The following TM9SF4 variants were observed in gnomAD, a reference collection of about 807,000 sequenced individuals.
The protein encoded by TM9SF4 is transmembrane 9 superfamily member 4.
Under a neutral mutation model 90.4 loss-of-function variants are expected in TM9SF4, and 26 were observed. That is an observed-to-expected ratio of 0.29 (90% CI 0.21 to 0.40). The LOEUF is 0.40. Among genes scored for constraint, TM9SF4 ranks in the 10% least tolerant of loss-of-function variants. TM9SF4 has a pLI of 1.00. For missense variants in TM9SF4, 549 were observed against 834.8 expected (o/e 0.66, Z 4.22); for synonymous variants, 293 against 315.4 (o/e 0.93, Z 0.75).
rs867333906 is a variant in TM9SF4 at position 32,163,257 on chromosome 20, A to C, written c.1779+1892A>C. 4.8e-4 allele frequency among the ~76,000 whole-genome samples: 39 copies of C among 80,780 alleles called. 2 individuals are homozygous for C. The highest frequency in any genetic ancestry group is 2.1e-3 in the African/African-American group (36 of 16,968). 53.0% of individuals were successfully genotyped at this position (80,780 alleles called of 152,430 possible). A position where few individuals can be genotyped will look rare whatever the true frequency, so the allele number is the denominator to read the frequency against. On this transcript the variant is annotated intron_variant, in intron 17 of 17. Coordinates refer to ENST00000398022, the MANE Select transcript of TM9SF4 (RefSeq NM_014742.4). Reference sequence around the variant, plus strand: ...CAAGACTCCATCTCAAAAAAAAAAAAAAAAAAAAAAAATATATATATATAT... The same window carrying C: ...CAAGACTCCATCTCAAAAAAAAAAACAAAAAAAAAAAATATATATATATAT...
chr20:32,155,321 G>C (rs185402284), intron 13 of TM9SF4, 135 bp downstream of exon 13: 217 of 785,800 alleles, frequency 2.8e-4, no homozygotes, highest in Non-Finnish European at 1.8e-4. Context: ...CCAGCCATGA[G>C]GGCAGAGGGC....
At chr20:32,147,545 C>G (rs752474425) in intron 9 of TM9SF4, among the ~76,000 whole-genome samples, 3 of 152,126 alleles carry the variant, frequency 2.0e-5, no homozygotes, top group Non-Finnish European at 2.9e-5. Context: ...TGCAAAATCT[C>G]TTTGTTTTAA....
At chr20:32,131,730 C>T (rs2046517186) in intron 1 of TM9SF4, among the ~76,000 whole-genome samples, 1 of 152,120 alleles carries the variant, frequency 6.6e-6, no homozygotes. Flanking sequence ...GTTCAGACTG[C>T]GTAGAAAGAA....
At chr20:32,122,150 G>A (rs1238801334) in intron 1 of TM9SF4, among the ~76,000 whole-genome samples, 1 of 133,056 alleles carries the variant, frequency 7.5e-6, no homozygotes, top group South Asian at 2.4e-4. Flanking sequence ...CTGGCCGGGC[G>A]GGGGGGGTGA....
At chr20:32,161,742 A>G (rs2047022192) in intron 17 of TM9SF4, among the ~76,000 whole-genome samples, 1 of 152,254 alleles carries the variant, frequency 6.6e-6, no homozygotes, top group African/African-American at 2.4e-5. Context: ...ATGAAAGAAG[A>G]AAAGTAGAAA....
At chr20:32,122,567 G>T (rs1191969938) in intron 1 of TM9SF4, among the ~76,000 whole-genome samples, 1 of 148,808 alleles carries the variant, frequency 6.7e-6, no homozygotes, top group Non-Finnish European at 1.5e-5. Flanking sequence ...CATCCCAGAC[G>T]ATGGGCGGCT....
In TM9SF4 at chr20:32,145,361, G is replaced by A; in HGVS notation, c.821G>A (p.Ser274Asn). ...ASRWDTYLTM[S>N]DVQIHWFSII... ...CGCTGGGACACTTACCTGACCATGA[G>A]TGACGTCCAGATCCACTGGTTTTCT... is the stretch of plus-strand genomic sequence containing the variant. Residue 274 changes from serine (S) to asparagine (N), a missense_variant, in exon 8 of 18, where the codon AGT (serine) becomes AAT (asparagine). Physicochemically the swap from Ser to Asn is conservative, Grantham distance 46. Coordinates refer to ENST00000398022, the MANE Select transcript of TM9SF4 (RefSeq NM_014742.4). 1 of 1,614,186 alleles carries A rather than the reference G, an allele frequency of 6.2e-7. No homozygotes were observed. The highest frequency in any genetic ancestry group is 8.5e-7 in the Non-Finnish European group (1 of 1,180,036).
At chr20:32,145,444 G>A in intron 8 of TM9SF4, 21 bp downstream of exon 8, 1 of 1,606,916 alleles carries the variant, frequency 6.2e-7, no homozygotes, top group South Asian at 1.1e-5. Context: ...TGTGGGTTGA[G>A]GGAAAGGGGA....
chr20:32,145,570 G>A, intron 8 of TM9SF4, 147 bp downstream of exon 8: 5 of 673,644 alleles, frequency 7.4e-6, no homozygotes, highest in Non-Finnish European at 1.3e-5. Context: ...AGCATCAGGT[G>A]TACATAGGTA....
chr20:32,109,777 A>G (rs2046111924), intron 1 of TM9SF4, 22 bp downstream of exon 1: 1 of 1,551,378 alleles, frequency 6.4e-7, no homozygotes. Context: ...AGACTCCGGG[A>G]GCGGGAGCTG....
chr20:32,158,351 C>T lies in TM9SF4; in HGVS notation c.1506-100C>T, dbSNP rs1420730750. 10 of 1,137,754 alleles carry T rather than the reference C, an allele frequency of 8.8e-6. No homozygotes were observed. In the East Asian group the frequency reaches 1.9e-4, roughly 21 times the overall value. 70.5% of individuals were successfully genotyped at this position (1,137,754 alleles called of 1,614,324 possible). ...TATGCCAGAAGAATTAGCACCACCA[C>T]ACTCGTGTAGGTGCTCTCTCTTCAT... On this transcript the variant is annotated intron_variant, in intron 14 of 17. Coordinates refer to ENST00000398022, the MANE Select transcript of TM9SF4 (RefSeq NM_014742.4).
Position 32,150,674 on chromosome 20 carries a change from C to T in TM9SF4, c.1140C>T (p.Thr380=), listed in dbSNP as rs764924029. 1 of 1,614,130 alleles carries T rather than the reference C, an allele frequency of 6.2e-7. No individual in the cohort carries two copies. The highest frequency in any genetic ancestry group is 8.5e-7 in the Non-Finnish European group (1 of 1,180,056). Residue 380 remains threonine (T), a synonymous_variant, in exon 11 of 18, where the codon ACC becomes ACT. Transcript: ENST00000398022. ...CCTCCAGCCGGGGAGCTCTCATGAC[C>T]ACAGCCTGCTTCCTCTTCATGTTCA... ...LSPSSRGALM[T]TACFLFMFMG... is the part of the protein sequence containing the mutation.
chr20:32,141,103 A>G (rs13044022), intron 3 of TM9SF4, among the ~76,000 whole-genome samples: 17,169 of 151,094 alleles, frequency 0.11, 1,217 homozygotes, highest in East Asian at 0.18. Context: ...TGTAGTCCCA[A>G]CTACTCGGGA....
At chr20:32,138,499 A>G (rs960283671) in intron 3 of TM9SF4, among the ~76,000 whole-genome samples, 3 of 152,224 alleles carry the variant, frequency 2.0e-5, no homozygotes, top group African/African-American at 7.2e-5. Flanking sequence ...TCTACTAAAA[A>G]TACAAAAATT....
intron 17 of TM9SF4, among the ~76,000 whole-genome samples, chr20:32,162,938 G>T (rs1273213614): frequency 6.6e-6 from 1 of 152,104 alleles, no homozygotes; most frequent in Non-Finnish European, 1.5e-5. Flanking sequence ...CTAAGAAATT[G>T]GAGTTCTAGC....
chr20:32,119,007 G>A (rs2046268408), intron 1 of TM9SF4, among the ~76,000 whole-genome samples: 1 of 152,144 alleles, frequency 6.6e-6, no homozygotes, highest in African/African-American at 2.4e-5. Context: ...AAAACATTAT[G>A]TTGTGTGCCT....
At chr20:32,115,504 A>G (rs771240025) in intron 1 of TM9SF4, among the ~76,000 whole-genome samples, 5 of 152,166 alleles carry the variant, frequency 3.3e-5, no homozygotes, top group Non-Finnish European at 5.9e-5. Flanking sequence ...TGGGGCATGG[A>G]TGGGGACACC....
intron 1 of TM9SF4, among the ~76,000 whole-genome samples, chr20:32,117,922 T>G (rs2046250885): frequency 6.6e-6 from 1 of 152,228 alleles, no homozygotes; most frequent in Non-Finnish European, 1.5e-5. Flanking sequence ...GATTACTAAA[T>G]ATTTAATTGA....
rs527426148 is a variant in TM9SF4, at chr20:32,166,463, G to C, written c.*1019G>C. 5.9e-5 allele frequency: 9 copies of C among 152,484 alleles called. 1 individual carries two copies. The East Asian group carries it at 1.7e-3, about 29-fold the overall frequency. 9.4% of individuals were successfully genotyped at this position (152,484 alleles called of 1,614,324 possible). ...GATTACAGATCCCCTCCTGTAAGTGGCCAGGCATTCTCTCCCTGCCCTCTC... is the reference window on the plus strand; with the variant it reads ...GATTACAGATCCCCTCCTGTAAGTGCCCAGGCATTCTCTCCCTGCCCTCTC... On this transcript the variant is annotated 3_prime_UTR_variant, in exon 18 of 18. Coordinates refer to ENST00000398022, the MANE Select transcript of TM9SF4 (RefSeq NM_014742.4).
Sources: gnomAD v4.1 joint callset for allele counts (sites outside exome capture counted in the v4.1 genomes callset) on GRCh38, gnomAD v4.1.1 for gene constraint, MANE v1.5 for transcripts, NCBI Gene and HGNC (gene_info 2026-07-23, HGNC 2026-07-21) for gene names.